FAM83G: variants seen among roughly 807,000 people sequenced by gnomAD.
FAM83G encodes the protein scaffolding CK1 anchoring protein G, also known as protein FAM83G.
In FAM83G, 38 loss-of-function variants were observed where a neutral mutation model predicts 61.5. The ratio of observed to expected loss-of-function variants is 0.62; its 90% CI spans 0.48 to 0.81. FAM83G has a LOEUF of 0.81. FAM83G is among the 30% of genes least tolerant of loss of function. The pLI is 0.00. For synonymous variants in FAM83G, 470 were observed against 476.1 expected, an observed-to-expected ratio of 0.99 and a Z score of 0.17; for missense variants, 989 against 1,133.6, an observed-to-expected ratio of 0.87 and a Z score of 1.83.
chr17:18,973,328 G>C (rs1214940949), intron 5 of FAM83G, among the ~76,000 whole-genome samples: 2 of 152,240 alleles, frequency 1.3e-5, no homozygotes, highest in Non-Finnish European at 2.9e-5. Flanking sequence ...GGTTGGGCAG[G>C]CCCCACTGCA....
At chr17:19,002,062 A>G (rs7216681) in intron 2 of FAM83G, among the ~76,000 whole-genome samples, 44,261 of 152,000 alleles carry the variant, frequency 0.29, 8,877 homozygotes, top group African/African-American at 0.54. Flanking sequence ...TCCACACCAC[A>G]GCAGGTGTGG....
chr17:18,969,150 C>T lies in FAM83G; in HGVS notation c.*2209G>A. ...CGCTCGGCATCACAGCCCTGTACAC[C>T]ATCGCAGGTATGGTGCCTGCAGCAG... On this transcript the variant is annotated 3_prime_UTR_variant, in exon 6 of 6. Transcript: ENST00000388995. The T allele has an allele frequency of 6.2e-7, 1 of 1,613,692 alleles. No homozygotes were observed. The highest frequency in any genetic ancestry group is 8.5e-7 in the Non-Finnish European group (1 of 1,179,784).
At chr17:18,991,656 C>G (rs962312399) in intron 2 of FAM83G, among the ~76,000 whole-genome samples, 2 of 152,226 alleles carry the variant, frequency 1.3e-5, no homozygotes, top group African/African-American at 4.8e-5. Flanking sequence ...GCAGCTGGCA[C>G]AGGGGCAGGC....
chr17:18,982,204 T>C (rs1040399448), intron 3 of FAM83G, among the ~76,000 whole-genome samples: 4 of 152,110 alleles, frequency 2.6e-5, no homozygotes, highest in Middle Eastern at 3.2e-3. Context: ...GGCCTTAGTC[T>C]CCCTTAGCAC....
intron 2 of FAM83G, among the ~76,000 whole-genome samples, chr17:19,002,029 G>A (rs2043740967): frequency 6.6e-6 from 1 of 152,184 alleles, no homozygotes; most frequent in South Asian, 2.1e-4. Flanking sequence ...TCCCCATCAG[G>A]CACAGACATC....
At position 18,970,904 on chromosome 17, in the gene FAM83G, C is replaced by A; in HGVS notation, c.*455G>T. The A allele has an allele frequency of 9.8e-7, 1 of 1,017,028 alleles. No individual in the cohort carries two copies. Among genetic ancestry groups the A allele is most frequent in the Non-Finnish European group, 1.5e-6 (1 of 671,206 alleles). 63.0% of individuals were successfully genotyped at this position (1,017,028 alleles called of 1,614,324 possible). A position where few individuals can be genotyped will look rare whatever the true frequency, so the allele number is the denominator to read the frequency against. ...TGGGAAAGATGAGGTGGAAAAAACT[C>A]AAGTTTGATGCATCAGGAAGTTTCT... On this transcript the variant is annotated 3_prime_UTR_variant, in exon 6 of 6. Coordinates refer to ENST00000388995, the MANE Select transcript of FAM83G (RefSeq NM_001039999.3).
chr17:18,974,621 C>A (rs972285138), intron 5 of FAM83G, among the ~76,000 whole-genome samples: 3 of 152,206 alleles, frequency 2.0e-5, no homozygotes, highest in Non-Finnish European at 4.4e-5. Context: ...TCGTGGGCAG[C>A]GTGCTGACTC....
chr17:18,998,105 G>A lies in FAM83G; in HGVS notation c.522+5415C>T, dbSNP rs142346057. On this transcript the variant is annotated intron_variant, in intron 2 of 5. Transcript: ENST00000388995. ...TGGCATTTAACCTGGCAAGGTACTC[G>A]AGCCCAGGGGTCATTCAGACCCTTA... Among the ~76,000 whole-genome samples the A allele has an allele frequency of 1.1e-3, 163 of 152,346 alleles. 1 individual carries two copies. Among genetic ancestry groups the A allele is most frequent in the Middle Eastern group, 3.4e-3 (1 of 294 alleles).
intron 5 of FAM83G, among the ~76,000 whole-genome samples, chr17:18,974,254 G>A (rs1567787614): frequency 6.6e-6 from 1 of 152,272 alleles, no homozygotes; most frequent in East Asian, 1.9e-4. Context: ...TTGAACTCCT[G>A]ACCTCAAGTA....
At chr17:19,004,804 T>G (rs1652353064), upstream of FAM83G, 1 of 151,122 alleles carries the variant, frequency 6.6e-6, no homozygotes, top group South Asian at 2.1e-4. This position sits in a 1 kb window ranked among gnomAD's most constrained non-coding sequence, Gnocchi z 5.4. Flanking sequence ...GCCGCCCCGC[T>G]TACCCCGCCG....
intron 5 of FAM83G, among the ~76,000 whole-genome samples, chr17:18,975,479 C>T (rs892774590): frequency 2.6e-5 from 4 of 151,744 alleles, no homozygotes; most frequent in Admixed American, 6.6e-5. Flanking sequence ...CACCTGAAGT[C>T]GGGAGTTCAA....
Position 18,978,235 on chromosome 17 carries a change from G to C in FAM83G, c.1431C>G (p.Pro477=). The C allele has an allele frequency of 6.3e-7, 1 of 1,590,104 alleles. No homozygotes were observed. Among genetic ancestry groups the C allele is most frequent in the Non-Finnish European group, 8.6e-7 (1 of 1,167,348 alleles). ...DSRPRPEPCP[P]PEPSAPQDGV... Reference sequence around the variant, plus strand: ...CGTCCTGGGGGGCACTGGGCTCTGGGGGAGGGCAAGGCTCTGGACGGGGCC... The same window carrying C: ...CGTCCTGGGGGGCACTGGGCTCTGGCGGAGGGCAAGGCTCTGGACGGGGCC... The change falls in exon 5 of 6, where the codon CCC becomes CCG. Residue 477 remains proline (P), a synonymous_variant. Coordinates refer to ENST00000388995, the MANE Select transcript of FAM83G (RefSeq NM_001039999.3).
At chr17:18,984,278 C>A (rs2043210726) in intron 3 of FAM83G, among the ~76,000 whole-genome samples, 1 of 145,366 alleles carries the variant, frequency 6.9e-6, no homozygotes, top group African/African-American at 2.6e-5. Flanking sequence ...GGAGGCAGAG[C>A]TTGCAGTTCA....
Position 18,970,903 on chromosome 17 carries a change from T to A in FAM83G, c.*456A>T. On this transcript the variant is annotated 3_prime_UTR_variant, in exon 6 of 6. Transcript: ENST00000388995. ...CTGGGAAAGATGAGGTGGAAAAAAC[T>A]CAAGTTTGATGCATCAGGAAGTTTC... 1.0e-6 allele frequency: 1 copy of A among 1,001,156 alleles called. No individual in the cohort carries two copies. 62.0% of individuals were successfully genotyped at this position (1,001,156 alleles called of 1,614,324 possible).
chr17:18,981,030 CCAG>C (rs2043118911), intron 3 of FAM83G, among the ~76,000 whole-genome samples: 1 of 152,172 alleles, frequency 6.6e-6, no homozygotes, highest in Admixed American at 6.5e-5. Flanking sequence ...CTCACTGGCC[CCAG>C]CTTATTCACC....
At chr17:18,972,602 C>T (rs945542408) in intron 5 of FAM83G, among the ~76,000 whole-genome samples, 3 of 152,200 alleles carry the variant, frequency 2.0e-5, no homozygotes, top group Non-Finnish European at 2.9e-5. Flanking sequence ...GTGGCTCAAG[C>T]CTGTAATCCC....
chr17:19,001,986 T>C (rs552542662), intron 2 of FAM83G, among the ~76,000 whole-genome samples: 35 of 152,258 alleles, frequency 2.3e-4, no homozygotes, highest in Admixed American at 2.0e-3. Flanking sequence ...AGGCTCTCTG[T>C]GGGGACTGGG....
At chr17:18,991,611 C>T (rs533275348) in intron 2 of FAM83G, among the ~76,000 whole-genome samples, 4 of 152,320 alleles carry the variant, frequency 2.6e-5, no homozygotes, top group South Asian at 2.1e-4. Context: ...GAGCTTGTTC[C>T]GCTCCTGAGG....
At chr17:19,002,426 G>A (rs961504922) in intron 2 of FAM83G, among the ~76,000 whole-genome samples, 3 of 152,218 alleles carry the variant, frequency 2.0e-5, no homozygotes, top group Non-Finnish European at 4.4e-5. Context: ...CTCTGCCCAC[G>A]AACTTCCCCA....
Sources: gnomAD v4.1 joint callset for allele counts (sites outside exome capture counted in the v4.1 genomes callset) on GRCh38, gnomAD v4.1.1 for gene constraint, Gnocchi (gnomAD v3.1) non-coding constraint, MANE v1.5 for transcripts, NCBI Gene and HGNC (gene_info 2026-07-23, HGNC 2026-07-21) for gene names.